Variants in DIP2C observed in about 807,000 individuals in gnomAD.
DIP2C encodes the protein DIP2 acetate--CoA ligase C (putative), also known as disco-interacting protein 2 homolog C.
Under a neutral mutation model 192.4 loss-of-function variants are expected in DIP2C, and 33 were observed. That is an observed-to-expected ratio of 0.17 (90% confidence interval 0.13 to 0.23). The LOEUF is 0.23. Ranked by LOEUF, DIP2C falls within the 10% of genes least tolerant of loss-of-function variation. The pLI, the probability that DIP2C is intolerant of heterozygous loss-of-function variation, is 1.00. For synonymous variants in DIP2C, 979 were observed against 864.1 expected (o/e 1.13, Z -2.33); for missense variants, 1,537 against 2,110.1 (o/e 0.73, Z 5.32).
chr10:468,506 A>G (rs1229490130), intron 3 of DIP2C, among the ~76,000 whole-genome samples: 1 of 152,178 alleles, frequency 6.6e-6, no homozygotes, highest in Non-Finnish European at 1.5e-5. Flanking sequence ...CACACCTGTA[A>G]TCCCAGCACG....
In DIP2C at chr10:363,927, TTCA is replaced by T. The variant is rs756188163; in HGVS notation, c.2477+444_2477+446del. Among the ~76,000 whole-genome samples the T allele has an allele frequency of 1.3e-5, 2 of 152,102 alleles. No individual in the cohort carries two copies. The highest frequency in any genetic ancestry group is 2.9e-5 in the Non-Finnish European group (2 of 68,012). On this transcript the variant is annotated intron_variant, in intron 20 of 36. Transcript: ENST00000280886. This position sits in a 1 kb window ranked among gnomAD's most constrained non-coding sequence, Gnocchi z 5.4. ...AAACTCAGGAACCGTGGCAACTTATTTCATCACGGAGCCTCCACTGTGCACCAG... is the reference window on the plus strand; with the variant it reads ...AAACTCAGGAACCGTGGCAACTTATTTCACGGAGCCTCCACTGTGCACCAG...
chr10:561,777 C>CA (rs34331595), intron 1 of DIP2C, among the ~76,000 whole-genome samples: 1 of 152,062 alleles, frequency 6.6e-6, no homozygotes, highest in South Asian at 2.1e-4. Context: ...GCAGGTGCCA[C>CA]AAAACTCAGT....
intron 1 of DIP2C, among the ~76,000 whole-genome samples, chr10:519,335 A>T (rs913539164): frequency 1.3e-5 from 2 of 152,194 alleles, no homozygotes; most frequent in Admixed American, 1.3e-4. Context: ...AAATTCAGAG[A>T]AAGACCCCCG....
chr10:654,421 T>C (rs906380650), intron 1 of DIP2C, among the ~76,000 whole-genome samples: 1 of 152,150 alleles, frequency 6.6e-6, no homozygotes, highest in Admixed American at 6.5e-5. Context: ...AAACCCAGCC[T>C]TTGAAAAGGC....
At position 543,563 on chromosome 10, in the gene DIP2C, G is replaced by A. The variant is rs1295777983; in HGVS notation, c.86-57033C>T. On this transcript the variant is annotated intron_variant, in intron 1 of 36. Coordinates refer to ENST00000280886, the MANE Select transcript of DIP2C (RefSeq NM_014974.3). The stretch of plus-strand genomic sequence containing the variant: ...CGGTTGTTACGTGAGATAGAAATCA[G>A]TAAGATAGGCTGTAACATATAGTAT... 2.0e-5 allele frequency among the ~76,000 whole-genome samples: 3 copies of A among 152,324 alleles called. No homozygotes were observed. In the East Asian group the frequency reaches 5.8e-4, roughly 29 times the overall value.
intron 4 of DIP2C, 47 bp downstream of exon 4, chr10:440,824 G>A (rs368184988): frequency 3.7e-5 from 59 of 1,579,044 alleles, no homozygotes; most frequent in African/African-American, 9.4e-5. Flanking sequence ...TCAATTCTGA[G>A]GTGCCCGGCA....
chr10:488,350 A>G (rs372969382), intron 1 of DIP2C, among the ~76,000 whole-genome samples: 9 of 152,328 alleles, frequency 5.9e-5, no homozygotes, highest in African/African-American at 2.2e-4. Context: ...AGCTCTTCAC[A>G]GGAGGGTTTG....
At chr10:367,416 GAAAAAAA>G (rs1194728801) in intron 18 of DIP2C, among the ~76,000 whole-genome samples, 2 of 109,326 alleles carry the variant, frequency 1.8e-5, no homozygotes, top group African/African-American at 6.6e-5. Context: ...CTCCGTCTCA[GAAAAAAA>G]AAAAAAAAAA....
chr10:401,266 A>G (rs1208318562), intron 9 of DIP2C, among the ~76,000 whole-genome samples: 4 of 151,200 alleles, frequency 2.6e-5, no homozygotes, highest in Admixed American at 2.0e-4. Context: ...ATGATTTTAC[A>G]TGTGGGGTAG....
intron 2 of DIP2C, among the ~76,000 whole-genome samples, chr10:474,180 C>T (rs1341478013): frequency 1.3e-5 from 2 of 152,170 alleles, no homozygotes; most frequent in South Asian, 2.1e-4. Flanking sequence ...ACAGTAGCTA[C>T]CTGGCACTTA....
At chr10:492,032 A>T (rs1026650357) in intron 1 of DIP2C, among the ~76,000 whole-genome samples, 22 of 152,166 alleles carry the variant, frequency 1.4e-4, no homozygotes, top group African/African-American at 4.8e-4. Context: ...CCGACCCCAG[A>T]AAACAGGGGC....
intron 3 of DIP2C, among the ~76,000 whole-genome samples, chr10:464,100 C>T (rs11499154): frequency 6.6e-6 from 1 of 152,160 alleles, no homozygotes; most frequent in Non-Finnish European, 1.5e-5. Flanking sequence ...GACTTCAATA[C>T]TAAAACACCA....
At chr10:672,431 G>A (rs1000679881) in intron 1 of DIP2C, among the ~76,000 whole-genome samples, 2 of 152,232 alleles carry the variant, frequency 1.3e-5, no homozygotes, top group African/African-American at 2.4e-5. Context: ...CCCCGCCCCA[G>A]AGCACCCAGG....
chr10:445,203 C>G (rs1451445146), intron 3 of DIP2C, among the ~76,000 whole-genome samples: 3 of 152,200 alleles, frequency 2.0e-5, no homozygotes, highest in Admixed American at 1.3e-4. Context: ...TGTGAAGAGT[C>G]TATCTTGCAC....
At chr10:301,583 T>C (rs922233045) in intron 32 of DIP2C, among the ~76,000 whole-genome samples, 1 of 152,298 alleles carries the variant, frequency 6.6e-6, no homozygotes, top group South Asian at 2.1e-4. Flanking sequence ...CTAAAAATAT[T>C]AATGAGTTTA....
chr10:621,783 G>A (rs886437582), intron 1 of DIP2C, among the ~76,000 whole-genome samples: 2 of 152,172 alleles, frequency 1.3e-5, no homozygotes, highest in African/African-American at 4.8e-5. Context: ...TGCTGAGCAC[G>A]GGGCCTACGG....
chr10:612,123 C>CGT (rs1186933836), intron 1 of DIP2C, among the ~76,000 whole-genome samples: 1 of 152,074 alleles, frequency 6.6e-6, no homozygotes, highest in East Asian at 1.9e-4. Flanking sequence ...GTTGAAACCT[C>CGT]GTCTCTACTA....
rs570648044 is a variant in DIP2C, at chr10:282,617, A to G, written c.4294+655T>C. Among the ~76,000 whole-genome samples the G allele has an allele frequency of 2.6e-5, 4 of 152,398 alleles. No homozygotes were observed. The East Asian group carries it at 7.7e-4, about 29-fold the overall frequency. On this transcript the variant is annotated intron_variant, in intron 35 of 36. Transcript: ENST00000280886. ...TGAGAAAGGATTCTGGAATAAGCAA[A>G]GAATTAACTATACAAGTGCACTTTT...
At chr10:467,275 GC>G (rs1970280125) in intron 3 of DIP2C, among the ~76,000 whole-genome samples, 1 of 150,550 alleles carries the variant, frequency 6.6e-6, no homozygotes, top group African/African-American at 2.4e-5. Context: ...GTAAACTATC[GC>G]AAAAACGAAA....
Sources: allele counts gnomAD v4.1 joint callset (sites outside exome capture counted in the v4.1 genomes callset), GRCh38; gene constraint gnomAD v4.1.1; non-coding constraint Gnocchi (gnomAD v3.1); transcripts MANE v1.5; gene names NCBI Gene and HGNC (gene_info 2026-07-23, HGNC 2026-07-21).